ZNHIT1: variants seen among roughly 807,000 people sequenced by gnomAD.
ZNHIT1 encodes zinc finger HIT domain-containing protein 1.
A neutral mutation model predicts 21.4 loss-of-function variants in ZNHIT1; 20 were observed. The ratio of observed to expected loss-of-function variants is 0.93; its 90% CI spans 0.66 to 1.36. The LOEUF (loss-of-function observed/expected upper bound fraction) is 1.36. Among genes scored for constraint, ZNHIT1 ranks in the 40% most tolerant of loss-of-function variants. ZNHIT1 has a pLI of 0.00. For synonymous variants in ZNHIT1, 79 were observed against 84.0 expected (o/e 0.94, Z 0.32); for missense variants, 170 against 213.5 (o/e 0.80, Z 1.27).
intron 2 of ZNHIT1, among the ~76,000 whole-genome samples, chr7:101,223,177 G>A (rs1400257343): frequency 6.6e-6 from 1 of 152,150 alleles, no homozygotes; most frequent in East Asian, 1.9e-4. Flanking sequence ...TTCAAGACCA[G>A]CCTGGCCAAC....
At chr7:101,223,401 A>G (rs1798403569) in intron 2 of ZNHIT1, 76 bp from the exon 3 acceptor site, 2 of 1,506,804 alleles carry the variant, frequency 1.3e-6, no homozygotes, top group Admixed American at 1.7e-5. Flanking sequence ...GCACATGGGC[A>G]TGGGGAGTGA....
At chr7:101,222,810 T>G (rs764534133) in intron 2 of ZNHIT1, 36 bp downstream of exon 2, 16 of 1,602,268 alleles carry the variant, frequency 1.0e-5, no homozygotes, top group Non-Finnish European at 1.4e-5. Context: ...GGGATGGGAC[T>G]GAGAGGAGGG....
chr7:101,218,777 C>T (rs1392693517), intron 1 of ZNHIT1: 2 of 153,262 alleles, frequency 1.3e-5, no homozygotes, highest in African/African-American at 4.8e-5. Context: ...GTGATTTGTG[C>T]TATGGCAGAG....
intron 1 of ZNHIT1, chr7:101,219,210 T>A (rs1377118194): frequency 6.6e-6 from 1 of 151,916 alleles, no homozygotes; most frequent in Non-Finnish European, 1.5e-5. Context: ...CTCAAGTGAT[T>A]CTTCCACCTC....
intron 1 of ZNHIT1, 104 bp from the exon 2 acceptor site, chr7:101,222,500 A>G (rs1487140080): frequency 1.8e-5 from 24 of 1,358,612 alleles, no homozygotes; most frequent in Non-Finnish European, 1.1e-5. Context: ...GAGATCAGAG[A>G]GCTGCAGCTT....
chr7:101,220,094 T>C (rs1234078652), intron 1 of ZNHIT1: 1 of 151,840 alleles, frequency 6.6e-6, no homozygotes, highest in Admixed American at 6.6e-5. Context: ...ATATTTTTTT[T>C]TGTTTGGTTG....
Position 101,223,680 on chromosome 7 carries a change from G to C in ZNHIT1, c.281G>C (p.Ser94Thr). Residue 94 changes from serine to threonine, a missense_variant, in exon 4 of 5, where the codon AGT (serine) becomes ACT (threonine). Physicochemically the swap from Ser to Thr is moderately conservative, Grantham distance 58. Coordinates refer to ENST00000305105, the MANE Select transcript of ZNHIT1 (RefSeq NM_006349.3). ...FQALLEEQNL[S>T]VAEGPNYLTA... ...GGCCCCTTGTCTCTGCAGAACTTGA[G>C]TGTGGCCGAGGGCCCTAACTACCTG... 6.2e-7 allele frequency: 1 copy of C among 1,610,666 alleles called. No homozygotes were observed. Among genetic ancestry groups the C allele is most frequent in the Non-Finnish European group, 8.5e-7 (1 of 1,178,184 alleles).
intron 1 of ZNHIT1, chr7:101,219,478 G>C (rs936970117): frequency 6.6e-6 from 1 of 150,496 alleles, no homozygotes; most frequent in Non-Finnish European, 1.5e-5. Context: ...CCAGGCTGGA[G>C]TGCAGTGGCG....
chr7:101,220,093 T>G (rs1039518152), intron 1 of ZNHIT1: 4 of 151,862 alleles, frequency 2.6e-5, no homozygotes, highest in African/African-American at 9.7e-5. Flanking sequence ...CATATTTTTT[T>G]TTGTTTGGTT....
intron 2 of ZNHIT1, 90 bp downstream of exon 2, chr7:101,222,864 T>C: frequency 6.7e-7 from 1 of 1,500,844 alleles, no homozygotes; most frequent in Non-Finnish European, 9.0e-7. Context: ...ACCCAGGAGC[T>C]CCTGGTGCCT....
chr7:101,223,498 G>A lies in ZNHIT1; in HGVS notation c.215G>A (p.Arg72Gln), dbSNP rs533890052. ...ADTGKKKKKT[R>Q]GDHFKLRFRK... Reference sequence around the variant, plus strand: ...CTAGGAAAGAAAAAGAAGAAAACCCGAGGTGATCATTTTAAACTTCGCTTC... The same window carrying A: ...CTAGGAAAGAAAAAGAAGAAAACCCAAGGTGATCATTTTAAACTTCGCTTC... Residue 72 changes from arginine to glutamine, a missense_variant, in exon 3 of 5, where the codon CGA (arginine) becomes CAA (glutamine). By Grantham distance (43) the Arg-to-Gln change is conservative. Transcript: ENST00000305105. The A allele has an allele frequency of 1.2e-6, 2 of 1,614,180 alleles. No individual in the cohort carries two copies. Among genetic ancestry groups the A allele is most frequent in the South Asian group, 1.1e-5 (1 of 91,084 alleles).
At chr7:101,221,283 C>T (rs996797563) in intron 1 of ZNHIT1, 1 of 147,478 alleles carries the variant, frequency 6.8e-6, no homozygotes. Flanking sequence ...GTGGCGCGAT[C>T]ACGGCTTGCT....
In ZNHIT1 at chr7:101,224,041, G is replaced by C; in HGVS notation, c.*83G>C. 3 of 1,603,436 alleles carry C rather than the reference G, an allele frequency of 1.9e-6. No homozygotes were observed. In the South Asian group the frequency reaches 3.3e-5, roughly 18 times the overall value. On this transcript the variant is annotated 3_prime_UTR_variant, in exon 5 of 5. Coordinates refer to ENST00000305105, the MANE Select transcript of ZNHIT1 (RefSeq NM_006349.3). ...AGAATTTCATCACCCAATGCAGGGG[G>C]AGCTCTTCCTGGACCAAGGGAGGAG...
chr7:101,223,876 C>CTCCT, intron 4 of ZNHIT1, 34 bp downstream of exon 4: 4 of 1,614,122 alleles, frequency 2.5e-6, no homozygotes, highest in Non-Finnish European at 3.4e-6. Flanking sequence ...CTCCCACTCC[C>CTCCT]TCCTTCCCAC....
At chr7:101,219,890 C>T (rs1798343393) in intron 1 of ZNHIT1, 1 of 152,188 alleles carries the variant, frequency 6.6e-6, no homozygotes, top group African/African-American at 2.4e-5. Flanking sequence ...ACTCCAAGGC[C>T]AGGTTGGGTG....
intron 2 of ZNHIT1, 122 bp downstream of exon 2, chr7:101,222,896 G>C: frequency 7.6e-7 from 1 of 1,310,874 alleles, no homozygotes; most frequent in Non-Finnish European, 1.0e-6. Flanking sequence ...TGGCTCCCAT[G>C]GCTGTGAGCA....
intron 1 of ZNHIT1, chr7:101,219,429 CT>C (rs910929226): frequency 2.2e-5 from 3 of 139,466 alleles, no homozygotes; most frequent in East Asian, 2.2e-4. Flanking sequence ...TTCTTTCTTT[CT>C]TTTTTTTTCT....
intron 2 of ZNHIT1, among the ~76,000 whole-genome samples, chr7:101,223,097 G>A (rs973866368): frequency 2.0e-5 from 3 of 152,188 alleles, no homozygotes; most frequent in Non-Finnish European, 4.4e-5. Context: ...GCAGGGCCAG[G>A]TGTGGTGGCT....
At chr7:101,221,404 T>C (rs1383623243) in intron 1 of ZNHIT1, 4 of 152,016 alleles carry the variant, frequency 2.6e-5, no homozygotes, top group Non-Finnish European at 4.4e-5. Context: ...TTTAATTTTT[T>C]GTAGAGATGG....
Sources: allele counts gnomAD v4.1 joint callset (sites outside exome capture counted in the v4.1 genomes callset), GRCh38; gene constraint gnomAD v4.1.1; transcripts MANE v1.5; gene names NCBI Gene and HGNC (gene_info 2026-07-23, HGNC 2026-07-21).